The following MAPK4 variants were observed in gnomAD, a reference collection of about 807,000 sequenced individuals.
MAPK4 encodes mitogen-activated protein kinase 4.
MAPK4 carries 22 observed loss-of-function variants against 47.7 expected under a neutral mutation model. The observed-to-expected ratio is 0.46, with a 90% CI of 0.33 to 0.66. The LOEUF (loss-of-function observed/expected upper bound fraction) is 0.66, where lower values mean the gene tolerates loss of function less well. Ranked by LOEUF, MAPK4 falls within the 30% of genes least tolerant of loss-of-function variation. MAPK4 has a pLI of 0.02. For missense variants in MAPK4, 736 were observed against 831.7 expected (o/e 0.88, Z 1.42); for synonymous variants, 390 against 365.7 (o/e 1.07, Z -0.76).
At chr18:50,621,997 TG>T (rs2042736547) in intron 1 of MAPK4, among the ~76,000 whole-genome samples, 1 of 152,214 alleles carries the variant, frequency 6.6e-6, no homozygotes. Flanking sequence ...ACAGCCTTTC[TG>T]GGTAGACAGG....
intron 1 of MAPK4, among the ~76,000 whole-genome samples, chr18:50,585,371 C>T (rs550769428): frequency 6.6e-6 from 1 of 152,276 alleles, no homozygotes; most frequent in South Asian, 2.1e-4. Flanking sequence ...TGAGGATGTT[C>T]CCTGTCCTCC....
intron 2 of MAPK4, among the ~76,000 whole-genome samples, chr18:50,690,665 T>C (rs1909162384): frequency 6.6e-6 from 1 of 152,212 alleles, no homozygotes; most frequent in Admixed American, 6.5e-5. Context: ...TATGTGTTTG[T>C]ATGTGGAGAC....
Position 50,729,337 on chromosome 18 carries a change from T to C in MAPK4, c.1247T>C (p.Met416Thr), listed in dbSNP as rs759208387. ...ERFLEQSHSSMERAFEADYGR... is the reference protein window; with the variant it reads ...ERFLEQSHSSTERAFEADYGR... Reference sequence around the variant, plus strand: ...TTCCTAGAGCAGTCGCACTCGTCCATGGAGCGCGCCTTCGAGGCCGACTAC... The same window carrying C: ...TTCCTAGAGCAGTCGCACTCGTCCACGGAGCGCGCCTTCGAGGCCGACTAC... Residue 416 changes from methionine to threonine, a missense_variant, in exon 6 of 6, where the codon ATG becomes ACG. Met to Thr is a moderately conservative substitution (Grantham distance 81, BLOSUM62 -1). Around this residue, in one of 3 missense-constraint regions of MAPK4, gnomAD observed 377 missense variants for 378.6 expected, o/e 1.00. Transcript: ENST00000400384. 5 of 1,592,006 alleles carry C rather than the reference T, an allele frequency of 3.1e-6. No individual in the cohort carries two copies. The highest frequency in any genetic ancestry group is 4.3e-6 in the Non-Finnish European group (5 of 1,169,156).
intron 4 of MAPK4, 101 bp from the exon 5 acceptor site, chr18:50,725,861 A>G: frequency 1.0e-6 from 1 of 975,382 alleles, no homozygotes; most frequent in Non-Finnish European, 1.6e-6. Flanking sequence ...ACAAATGCAG[A>G]AGCACAGACA....
intron 2 of MAPK4, among the ~76,000 whole-genome samples, chr18:50,684,545 C>CA (rs760833296): frequency 0.1 from 13,289 of 132,786 alleles, 731 homozygotes; most frequent in East Asian, 0.18. Context: ...GCCCCTGACT[C>CA]AAAAAAAAAA....
intron 2 of MAPK4, among the ~76,000 whole-genome samples, chr18:50,701,028 G>A (rs1346564767): frequency 1.3e-5 from 2 of 152,114 alleles, no homozygotes; most frequent in African/African-American, 4.8e-5. Flanking sequence ...AGGAATACCA[G>A]GGACCTCTTT....
At chr18:50,633,101 C>G (rs1485207787) in intron 1 of MAPK4, among the ~76,000 whole-genome samples, 1 of 152,156 alleles carries the variant, frequency 6.6e-6, no homozygotes, top group African/African-American at 2.4e-5. Flanking sequence ...AGGTCACACT[C>G]CAGCTCCCAT....
At chr18:50,581,710 G>C (rs2042346726) in intron 1 of MAPK4, among the ~76,000 whole-genome samples, 1 of 152,190 alleles carries the variant, frequency 6.6e-6, no homozygotes, top group African/African-American at 2.4e-5. Flanking sequence ...TGGCTTGGGA[G>C]CTGCTCTGGG....
At chr18:50,612,936 G>T (rs563893350) in intron 1 of MAPK4, among the ~76,000 whole-genome samples, 1 of 152,320 alleles carries the variant, frequency 6.6e-6, no homozygotes, top group South Asian at 2.1e-4. Context: ...GAACCTTGTA[G>T]CCGGAGAAAC....
intron 1 of MAPK4, among the ~76,000 whole-genome samples, chr18:50,652,791 G>T (rs2043064651): frequency 6.6e-6 from 1 of 152,082 alleles, no homozygotes; most frequent in Non-Finnish European, 1.5e-5. Context: ...GCTAAGAGGG[G>T]GACACAGCCT....
chr18:50,586,901 C>A (rs1050516876), intron 1 of MAPK4, among the ~76,000 whole-genome samples: 4 of 150,874 alleles, frequency 2.7e-5, no homozygotes, highest in African/African-American at 9.9e-5. Context: ...ATTTATATAC[C>A]ATTGCCATCT....
chr18:50,710,947 G>A (rs1319818420), intron 2 of MAPK4, among the ~76,000 whole-genome samples: 1 of 152,200 alleles, frequency 6.6e-6, no homozygotes, highest in Admixed American at 6.5e-5. Flanking sequence ...ATCAGGCAGT[G>A]GGGGCACAGC....
At chr18:50,702,357 T>A (rs1028003450) in intron 2 of MAPK4, among the ~76,000 whole-genome samples, 2 of 151,990 alleles carry the variant, frequency 1.3e-5, no homozygotes, top group Admixed American at 6.6e-5. Flanking sequence ...AGTTTGAATC[T>A]AGCCTAGGCA....
intron 1 of MAPK4, among the ~76,000 whole-genome samples, chr18:50,657,523 G>A (rs1483006545): frequency 6.6e-6 from 1 of 152,152 alleles, no homozygotes; most frequent in Non-Finnish European, 1.5e-5. Context: ...TTTGAGCCTT[G>A]AGATGACTGC....
intron 1 of MAPK4, among the ~76,000 whole-genome samples, chr18:50,622,173 G>A (rs1224322116): frequency 1.3e-5 from 2 of 152,204 alleles, no homozygotes; most frequent in African/African-American, 4.8e-5. Context: ...TTTCAACCAT[G>A]TATTTTTTAG....
At chr18:50,716,365 C>A (rs1240590755) in intron 3 of MAPK4, among the ~76,000 whole-genome samples, 1 of 152,096 alleles carries the variant, frequency 6.6e-6, no homozygotes, top group Non-Finnish European at 1.5e-5. Context: ...TCTGGCAATC[C>A]CCCCTCAGTT....
chr18:50,590,065 T>G (rs1188582015), intron 1 of MAPK4, among the ~76,000 whole-genome samples: 1 of 152,240 alleles, frequency 6.6e-6, no homozygotes, highest in Admixed American at 6.5e-5. Context: ...AGAACTTGAT[T>G]GAGAAATGGC....
At chr18:50,676,367 A>G (rs574334991) in intron 2 of MAPK4, among the ~76,000 whole-genome samples, 1 of 152,370 alleles carries the variant, frequency 6.6e-6, no homozygotes, top group Non-Finnish European at 1.5e-5. Flanking sequence ...ACGCCCCTCC[A>G]GAGTGACACT....
chr18:50,684,005 T>C (rs1908730889), intron 2 of MAPK4, among the ~76,000 whole-genome samples: 1 of 152,154 alleles, frequency 6.6e-6, no homozygotes, highest in Non-Finnish European at 1.5e-5. Flanking sequence ...TTGTAGTCCT[T>C]CATGTCTGAG....
Sources: gnomAD v4.1 joint callset for allele counts (sites outside exome capture counted in the v4.1 genomes callset) on GRCh38, gnomAD v4.1.1 for gene constraint, gnomAD v4.1.1 regional missense constraint, MANE v1.5 for transcripts, NCBI Gene and HGNC (gene_info 2026-07-23, HGNC 2026-07-21) for gene names.